ACACA: variants seen among roughly 807,000 people sequenced by gnomAD.
The protein encoded by ACACA is acetyl-CoA carboxylase alpha.
ACACA carries 103 observed loss-of-function variants against 296.1 expected under a neutral mutation model. That is an observed-to-expected ratio of 0.35 (90% CI 0.30 to 0.41). The LOEUF (loss-of-function observed/expected upper bound fraction) is 0.41. ACACA is among the 10% of genes least tolerant of loss of function. ACACA has a pLI of 1.00. For synonymous variants in ACACA, 953 were observed against 1,038.6 expected (o/e 0.92, Z 1.58); for missense variants, 1,554 against 2,989.7 (o/e 0.52, Z 11.20).
chr17:37,228,242 A>G (rs933354704), intron 25 of ACACA, among the ~76,000 whole-genome samples: 35 of 138,304 alleles, frequency 2.5e-4, no homozygotes, highest in African/African-American at 8.7e-4. Context: ...AGAAAATGAT[A>G]TAATGAGATT....
At chr17:37,175,148 C>A (rs994531587) in intron 41 of ACACA, among the ~76,000 whole-genome samples, 2 of 152,160 alleles carry the variant, frequency 1.3e-5, no homozygotes, top group Non-Finnish European at 2.9e-5. Context: ...TTAGAGATTA[C>A]TGGTCTAGTT....
intron 52 of ACACA, among the ~76,000 whole-genome samples, chr17:37,099,574 C>T (rs111289880): frequency 0.02 from 1,614 of 79,826 alleles, 1 homozygote; most frequent in African/African-American, 0.035. Context: ...GGGCTGATGG[C>T]GGGAGGGCTG....
intron 3 of ACACA, among the ~76,000 whole-genome samples, chr17:37,312,505 T>C (rs370561760): frequency 5.9e-4 from 90 of 152,350 alleles, no homozygotes; most frequent in African/African-American, 2.1e-3. Context: ...AAGATAAATA[T>C]TGAAAGCACT....
At position 37,323,334 on chromosome 17, in the gene ACACA, C is replaced by T. The variant is rs150420011; in HGVS notation, c.338+6839G>A. On this transcript the variant is annotated intron_variant, in intron 3 of 55. Coordinates refer to ENST00000616317, the MANE Select transcript of ACACA (RefSeq NM_198834.3). ...TATACACTGGGCAAGGTAGCTCACA[C>T]CTGTCATCCCAGCACTTGGGAAGGC... is the stretch of plus-strand genomic sequence containing the variant. Among the ~76,000 whole-genome samples, 541 of 152,384 alleles carry T rather than the reference C, an allele frequency of 3.6e-3. 3 individuals carry two copies. The highest frequency in any genetic ancestry group is 0.012 in the African/African-American group (515 of 41,596).
At chr17:37,141,059 C>T (rs2075553056) in intron 45 of ACACA, 3 of 426,746 alleles carry the variant, frequency 7.0e-6, no homozygotes, top group Non-Finnish European at 9.0e-6. Context: ...AAGTACTTAA[C>T]ACCCAGACCA....
In ACACA at chr17:37,097,053, A is replaced by G. The variant is rs1470475529; in HGVS notation, c.6834T>C (p.Asp2278=). Reference sequence around the variant, plus strand: ...GCCTTAACATGGCTTGAATCTGGCCATCAGTCAGCTCAGGGTTGGCATTGT... The same window carrying G: ...GCCTTAACATGGCTTGAATCTGGCCGTCAGTCAGCTCAGGGTTGGCATTGT... ...KIHNANPELT[D]GQIQAMLRRW... is the part of the protein sequence containing the mutation. The change falls in exon 54 of 56, where the codon GAT becomes GAC. Residue 2278 remains aspartate, a synonymous_variant. Coordinates refer to ENST00000616317, the MANE Select transcript of ACACA (RefSeq NM_198834.3). The surrounding 1 kb of genome is among the most constrained non-coding windows in gnomAD (Gnocchi z 4.8). 3 of 1,614,154 alleles carry G rather than the reference A, an allele frequency of 1.9e-6. No homozygotes were observed. The highest frequency in any genetic ancestry group is 1.7e-6 in the Non-Finnish European group (2 of 1,180,028).
At chr17:37,171,956 T>C (rs1011061803) in intron 41 of ACACA, among the ~76,000 whole-genome samples, 7 of 152,192 alleles carry the variant, frequency 4.6e-5, no homozygotes, top group Non-Finnish European at 7.3e-5. Flanking sequence ...TGGCCTACTA[T>C]AGTCCCAGAA....
At position 37,200,172 on chromosome 17, in the gene ACACA, C is replaced by T. The variant is rs1045781524; in HGVS notation, c.4125G>A (p.Lys1375=). Residue 1375 remains lysine, a synonymous_variant, in exon 35 of 56, where the codon AAG becomes AAA. Coordinates refer to ENST00000616317, the MANE Select transcript of ACACA (RefSeq NM_198834.3). ...TFLVAQKDFR[K]QVNYEVDRRF... ...TCCGATCCACCTCATAGTTGACCTG[C>T]TTTCTGAAATCCTTTCAAATAAAAG... 3 of 1,608,650 alleles carry T rather than the reference C, an allele frequency of 1.9e-6. No individual in the cohort carries two copies. The highest frequency in any genetic ancestry group is 2.2e-5 in the East Asian group (1 of 44,794).
chr17:37,155,593 A>C (rs2076208849), intron 43 of ACACA, 90 bp downstream of exon 43: 1 of 882,764 alleles, frequency 1.1e-6, no homozygotes, highest in African/African-American at 1.6e-5. Flanking sequence ...ATGTTCTTCA[A>C]GGTTATGAAC....
At chr17:37,405,208 A>G (rs1283685680) in intron 1 of ACACA, among the ~76,000 whole-genome samples, 1 of 152,188 alleles carries the variant, frequency 6.6e-6, no homozygotes, top group Non-Finnish European at 1.5e-5. Context: ...AACTAAGAGA[A>G]TCCCCATATC....
At chr17:37,208,942 G>T (rs544810029) in intron 30 of ACACA, among the ~76,000 whole-genome samples, 1 of 152,198 alleles carries the variant, frequency 6.6e-6, no homozygotes, top group East Asian at 1.9e-4. Context: ...AGACGACAAC[G>T]TGGACTTGAT....
chr17:37,270,176 T>C (rs974015420), intron 10 of ACACA, among the ~76,000 whole-genome samples: 6 of 152,160 alleles, frequency 3.9e-5, no homozygotes, highest in Non-Finnish European at 7.4e-5. Context: ...AGGCCTGCCA[T>C]AGGGTTCCTG....
intron 3 of ACACA, among the ~76,000 whole-genome samples, chr17:37,311,429 TAC>T (rs937738388): frequency 3.4e-5 from 5 of 145,668 alleles, no homozygotes; most frequent in Middle Eastern, 3.4e-3. Context: ...CACACACAAA[TAC>T]ACACACACAC....
rs201442473 is a variant in ACACA at position 37,179,338 on chromosome 17, G to A, written c.5001C>T (p.Asp1667=). 3.1e-5 allele frequency: 50 copies of A among 1,614,164 alleles called. No individual in the cohort carries two copies. The African/African-American group carries it at 4.8e-4, about 15-fold the overall frequency. Residue 1667 remains aspartate (D), a synonymous_variant, in exon 41 of 56, where the codon GAC becomes GAT. Transcript: ENST00000616317. ...GTACCAGTTCAGTGTAAGTCAGCAT[G>A]TCAGAAGGCAGAGGGGGAGATGGAA... ...AFLPSPPLPS[D]MLTYTELVLD... is the part of the protein sequence containing the mutation.
chr17:37,113,409 T>C lies in ACACA; in HGVS notation c.6275-144A>G. 1.3e-6 allele frequency: 1 copy of C among 780,208 alleles called. No homozygotes were observed. The highest frequency in any genetic ancestry group is 2.2e-6 in the Non-Finnish European group (1 of 456,240). The allele number at this position is 780,208 out of a possible 1,614,324, so 48.3% of individuals were successfully genotyped here. ...GCCACCCTATAGACTAAAGGGAGTA[T>C]CGACCTGTATCCCATTCAAGACTCC... On this transcript the variant is annotated intron_variant, in intron 50 of 55. Coordinates refer to ENST00000616317, the MANE Select transcript of ACACA (RefSeq NM_198834.3). The surrounding 1 kb of genome is among the most constrained non-coding windows in gnomAD (Gnocchi z 4.0).
chr17:37,243,413 A>T lies in ACACA; in HGVS notation c.2889T>A (p.Ala963=), dbSNP rs539669554. 51 of 1,614,062 alleles carry T rather than the reference A, an allele frequency of 3.2e-5. No homozygotes were observed. In the Middle Eastern group the frequency reaches 4.9e-4, roughly 16 times the overall value. The stretch of plus-strand genomic sequence containing the variant: ...GACAGAGGACTGATGTGATGTTGCT[A>T]GCATACTGAGCCATTTCCTTCTTGA... ...KSIKKEMAQY[A]SNITSVLCQF... The change falls in exon 22 of 56, where the codon GCT becomes GCA. Residue 963 remains alanine (A), a synonymous_variant. Coordinates refer to ENST00000616317, the MANE Select transcript of ACACA (RefSeq NM_198834.3).
chr17:37,094,643 G>C (rs1280750253), intron 54 of ACACA, among the ~76,000 whole-genome samples: 1 of 145,616 alleles, frequency 6.9e-6, no homozygotes, highest in African/African-American at 2.5e-5. Flanking sequence ...GATGGCTTTT[G>C]AACACTGCAA....
At chr17:37,230,477 G>A (rs979713753) in intron 25 of ACACA, among the ~76,000 whole-genome samples, 8 of 152,148 alleles carry the variant, frequency 5.3e-5, no homozygotes, top group Admixed American at 6.5e-5. Context: ...CACTATTTTC[G>A]TTAGTCTATT....
chr17:37,153,011 GT>G (rs2076103072), intron 43 of ACACA, among the ~76,000 whole-genome samples: 1 of 151,930 alleles, frequency 6.6e-6, no homozygotes, highest in Non-Finnish European at 1.5e-5. Flanking sequence ...TCTTCCTTTT[GT>G]TCTGTATCTA....
Sources: gnomAD v4.1 joint callset for allele counts (sites outside exome capture counted in the v4.1 genomes callset) on GRCh38, gnomAD v4.1.1 for gene constraint, Gnocchi (gnomAD v3.1) non-coding constraint, MANE v1.5 for transcripts, NCBI Gene and HGNC (gene_info 2026-07-23, HGNC 2026-07-21) for gene names.